TNC: variants seen among roughly 807,000 people sequenced by gnomAD.
TNC encodes tenascin.
A neutral mutation model predicts 202.4 loss-of-function variants in TNC; 109 were observed. The ratio of observed to expected loss-of-function variants is 0.54; its 90% CI spans 0.46 to 0.63. The LOEUF (loss-of-function observed/expected upper bound fraction) is 0.63. Among genes scored for constraint, TNC ranks in the 30% least tolerant of loss-of-function variants. TNC has a pLI of 0.00. For missense variants in TNC, 2,756 were observed against 2,833.3 expected (o/e 0.97, Z 0.62); for synonymous variants, 1,007 against 1,089.7 (o/e 0.92, Z 1.50).
In TNC at chr9:115,090,830, C is replaced by T; in HGVS notation, c.189G>A (p.Gln63=). The T allele has an allele frequency of 1.2e-6, 2 of 1,614,210 alleles. No homozygotes were observed. The highest frequency in any genetic ancestry group is 1.7e-6 in the Non-Finnish European group (2 of 1,180,024). ...VYNIKLPVGS[Q]CSVDLESASG... is the part of the protein sequence containing the mutation. The stretch of plus-strand genomic sequence containing the variant: ...TGGCTGACTCCAGATCCACCGAACA[C>T]TGGGATCCCACTGGCAGCTTGATGT... The change falls in exon 2 of 28, where the codon CAG becomes CAA. Residue 63 remains glutamine (Q), a synonymous_variant. Coordinates refer to ENST00000350763, the MANE Select transcript of TNC (RefSeq NM_002160.4).
intron 1 of TNC, among the ~76,000 whole-genome samples, chr9:115,110,458 C>A (rs1024284885): frequency 2.0e-5 from 3 of 151,822 alleles, no homozygotes; most frequent in Non-Finnish European, 4.4e-5. Context: ...AGTGGCCCAT[C>A]TGTGAGATGC....
chr9:115,084,426 C>T lies in TNC; in HGVS notation c.1914G>A (p.Thr638=), dbSNP rs183454120. The T allele has an allele frequency of 2.4e-5, 39 of 1,614,170 alleles. No individual in the cohort carries two copies. The East Asian group carries it at 4.7e-4, about 19-fold the overall frequency. The change falls in exon 4 of 28, where the codon ACG becomes ACA. Residue 638 remains threonine, a synonymous_variant. Coordinates refer to ENST00000350763, the MANE Select transcript of TNC (RefSeq NM_002160.4). The stretch of plus-strand genomic sequence containing the variant: ...TCTCATTGTCCCAGGCCAGGTTGAC[C>T]GTCTCTTCCGTCACTTCTGTCACAA... The part of the protein sequence containing the change: ...DLVVTEVTEE[T]VNLAWDNEMR...
chr9:115,064,011 T>C lies in TNC; in HGVS notation c.3545A>G (p.Lys1182Arg), dbSNP rs372227089. Reference protein sequence around the residue: ...VVAEVGWDALKLNWTAPEGAY... With the variant: ...VVAEVGWDALRLNWTAPEGAY... ...CCCTTCTGGAGCAGTCCAGTTGAGT[T>C]TGAGGGCATCCCAGCCCACCTCGGC... The change falls in exon 12 of 28, where the codon AAA (lysine) becomes AGA (arginine). Residue 1182 changes from lysine to arginine, a missense_variant. By Grantham distance (26) the Lys-to-Arg change is conservative. This residue lies in a region of TNC where 2,559 missense variants were observed against 2,546.0 expected (regional missense o/e 1.01). Coordinates refer to ENST00000350763, the MANE Select transcript of TNC (RefSeq NM_002160.4). 47 of 1,612,610 alleles carry C rather than the reference T, an allele frequency of 2.9e-5. No individual in the cohort carries two copies. Among genetic ancestry groups the C allele is most frequent in the Non-Finnish European group, 4.0e-5 (47 of 1,179,364 alleles).
chr9:115,087,088 C>A lies in TNC; in HGVS notation c.643G>T (p.Asp215Tyr). ...CICDDGFTGE[D>Y]CSQLACPSDC... Reference sequence around the variant, plus strand: ...CTGGGGCAAGCCAGCTGGCTGCAGTCCTCGCCCGTGAAGCCGTCGTCACAG... The same window carrying A: ...CTGGGGCAAGCCAGCTGGCTGCAGTACTCGCCCGTGAAGCCGTCGTCACAG... The change falls in exon 3 of 28, where the codon GAC (aspartate) becomes TAC (tyrosine). Residue 215 changes from aspartate to tyrosine, a missense_variant. By Grantham distance (160) the Asp-to-Tyr change is radical (BLOSUM62 -3). Transcript: ENST00000350763. The A allele has an allele frequency of 1.2e-6, 2 of 1,614,230 alleles. No homozygotes were observed. Among genetic ancestry groups the A allele is most frequent in the Non-Finnish European group, 1.7e-6 (2 of 1,180,044 alleles).
intron 1 of TNC, among the ~76,000 whole-genome samples, chr9:115,111,399 C>CTCTCTTTTTTTTTTTTTTTTTTTTTTTT: frequency 1.4e-5 from 1 of 71,362 alleles, no homozygotes; most frequent in Non-Finnish European, 2.4e-5. Context: ...CTCTCTCTCT[C>CTCTCTTTTTTTTTTTTTTTTTTTTTTTT]TTTTTTTTTT....
chr9:115,105,788 G>GA (rs2134163930), intron 1 of TNC, among the ~76,000 whole-genome samples: 2 of 152,240 alleles, frequency 1.3e-5, no homozygotes, highest in East Asian at 3.9e-4. Flanking sequence ...AACACGTTTG[G>GA]AAAATGTTAT....
intron 1 of TNC, among the ~76,000 whole-genome samples, chr9:115,109,917 C>T (rs1436469377): frequency 6.6e-6 from 1 of 152,202 alleles, no homozygotes; most frequent in Non-Finnish European, 1.5e-5. Flanking sequence ...ACAGCAAGGA[C>T]TCCTATTAAT....
rs117828280 is a variant in TNC at position 115,064,514 on chromosome 9, C to T, written c.3487+133G>A. 369 of 1,164,608 alleles carry T rather than the reference C, an allele frequency of 3.2e-4. 1 individual carries two copies. In the East Asian group the frequency reaches 6.5e-3, roughly 20 times the overall value. The allele number at this position is 1,164,608 out of a possible 1,614,324, so 72.1% of individuals were successfully genotyped here. A position where few individuals can be genotyped will look rare whatever the true frequency, so the allele number is the denominator to read the frequency against. ...TTGGGGTTCTGTAGCGTGATGGCCT[C>T]GTGTCACAATTAGACCCCATAGACA... On this transcript the variant is annotated intron_variant, in intron 11 of 27. Transcript: ENST00000350763.
chr9:115,026,968 G>T (rs1024371667), intron 25 of TNC, among the ~76,000 whole-genome samples: 1 of 152,006 alleles, frequency 6.6e-6, no homozygotes, highest in Non-Finnish European at 1.5e-5. Flanking sequence ...AATTAGCTGG[G>T]TGTGGTGGTG....
At chr9:115,088,434 C>A (rs1283279275) in intron 2 of TNC, among the ~76,000 whole-genome samples, 2 of 152,100 alleles carry the variant, frequency 1.3e-5, no homozygotes, top group African/African-American at 4.8e-5. Flanking sequence ...TCTTTTATTT[C>A]TTTCTATCCT....
chr9:115,027,421 C>T (rs140058349), intron 25 of TNC, among the ~76,000 whole-genome samples: 1 of 152,086 alleles, frequency 6.6e-6, no homozygotes, highest in Admixed American at 6.5e-5. Flanking sequence ...GAAACCCTGT[C>T]TCTACTGAAT....
At position 115,026,585 on chromosome 9, in the gene TNC, C is replaced by T. The variant is rs1230771784; in HGVS notation, c.6280G>A (p.Asp2094Asn). ...TTCAGCTTGTAGCGAGTCTTGGCAT[C>T]TCCCACGCTGAACTTGTCATAGACA... ...FAVYDKFSVGDAKTRYKLKVE... is the reference protein window; with the variant it reads ...FAVYDKFSVGNAKTRYKLKVE... Residue 2094 changes from aspartate (D) to asparagine (N), a missense_variant, in exon 26 of 28, where the codon GAT becomes AAT. By Grantham distance (23) the Asp-to-Asn change is conservative. This residue lies in a region of TNC where 197 missense variants were observed against 287.3 expected (regional missense o/e 0.69). Transcript: ENST00000350763. 4.3e-6 allele frequency: 7 copies of T among 1,613,940 alleles called. No homozygotes were observed. The East Asian group carries it at 1.6e-4, about 36-fold the overall frequency.
At chr9:115,093,607 C>T (rs1269800173) in intron 1 of TNC, among the ~76,000 whole-genome samples, 1 of 151,408 alleles carries the variant, frequency 6.6e-6, no homozygotes, top group Admixed American at 6.6e-5. Context: ...ACCCCTTTTC[C>T]ATCAATTCTT....
intron 27 of TNC, among the ~76,000 whole-genome samples, chr9:115,022,582 TC>T (rs1055275347): frequency 6.6e-6 from 1 of 152,110 alleles, no homozygotes; most frequent in African/African-American, 2.4e-5. Context: ...GTTTTTTTTT[TC>T]TTTTCCCAGA....
intron 14 of TNC, among the ~76,000 whole-genome samples, chr9:115,058,523 C>T (rs1832300102): frequency 6.6e-6 from 1 of 152,196 alleles, no homozygotes; most frequent in African/African-American, 2.4e-5. Flanking sequence ...TTATGGGTCT[C>T]AGAAAAAGGA....
In TNC at chr9:115,026,522, C is replaced by T; in HGVS notation, c.6331+12G>A. On this transcript the variant is annotated intron_variant, in intron 26 of 27. Transcript: ENST00000350763. ...ATGGCTTTGTAGGCTCTACGTGCAG[C>T]CACTACTGTACCTGCTGTCCCACTG... 1 of 1,613,140 alleles carries T rather than the reference C, an allele frequency of 6.2e-7. No individual in the cohort carries two copies. Among genetic ancestry groups the T allele is most frequent in the Non-Finnish European group, 8.5e-7 (1 of 1,179,264 alleles).
At chr9:115,030,145 TG>T in intron 24 of TNC, 108 bp downstream of exon 24, 1 of 1,170,470 alleles carries the variant, frequency 8.5e-7, no homozygotes. Flanking sequence ...GCCTCACACA[TG>T]GGGGTGTCAG....
chr9:115,030,111 G>A (rs1052611830), intron 24 of TNC, 143 bp downstream of exon 24: 1 of 808,900 alleles, frequency 1.2e-6, no homozygotes, highest in African/African-American at 1.7e-5. Context: ...GAGTGCCTCT[G>A]TGTGACAGGC....
chr9:115,056,397 T>C (rs1826568073), intron 15 of TNC, among the ~76,000 whole-genome samples: 1 of 152,212 alleles, frequency 6.6e-6, no homozygotes, highest in African/African-American at 2.4e-5. Context: ...GGGTTGTCTT[T>C]TACTGCATGG....
Sources: allele counts gnomAD v4.1 joint callset (sites outside exome capture counted in the v4.1 genomes callset), GRCh38; gene constraint gnomAD v4.1.1; regional missense constraint gnomAD v4.1.1; transcripts MANE v1.5; gene names NCBI Gene and HGNC (gene_info 2026-07-23, HGNC 2026-07-21).